HIPK2: variants seen among roughly 807,000 people sequenced by gnomAD.
The protein encoded by HIPK2 is homeodomain-interacting protein kinase 2.
Under a neutral mutation model 113.7 loss-of-function variants are expected in HIPK2, and 27 were observed. That is an observed-to-expected ratio of 0.24 (90% CI 0.17 to 0.33). The LOEUF is 0.33. Among genes scored for constraint, HIPK2 ranks in the 10% least tolerant of loss-of-function variants. HIPK2 has a pLI of 1.00. For synonymous variants in HIPK2, 631 were observed against 642.2 expected, an observed-to-expected ratio of 0.98 and a Z score of 0.26; for missense variants, 1,257 against 1,588.0, an observed-to-expected ratio of 0.79 and a Z score of 3.54.
chr7:139,665,776 C>G (rs79583280), intron 2 of HIPK2, among the ~76,000 whole-genome samples: 24,004 of 152,194 alleles, frequency 0.16, 2,266 homozygotes, highest in East Asian at 0.41. Flanking sequence ...GTGCCATCTG[C>G]CTAGCTAATC....
chr7:139,756,306 T>C (rs1359688454), intron 1 of HIPK2, among the ~76,000 whole-genome samples: 1 of 152,252 alleles, frequency 6.6e-6, no homozygotes, highest in African/African-American at 2.4e-5. Flanking sequence ...ATATTTCTTC[T>C]TCAATATTAT....
At chr7:139,629,444 G>A (rs1005369259) in intron 4 of HIPK2, among the ~76,000 whole-genome samples, 2 of 152,198 alleles carry the variant, frequency 1.3e-5, no homozygotes, top group Non-Finnish European at 2.9e-5. Context: ...CTCTTGCTAC[G>A]TGCCAGACAT....
chr7:139,681,794 C>T (rs1055346527), intron 2 of HIPK2, among the ~76,000 whole-genome samples: 1 of 152,180 alleles, frequency 6.6e-6, no homozygotes, highest in African/African-American at 2.4e-5. Flanking sequence ...TGGGTCCATG[C>T]AGCCACCACT....
rs35609603 is a variant in HIPK2 at position 139,620,455 on chromosome 7, C to T, written c.1728G>A (p.Thr576=). ...TAAAGGTCATGGTCAGGTTGGTGGA[C>T]GTGCTGGGGGCCACGTGCGTGATGA... The part of the protein sequence containing the change: ...TPFITHVAPS[T]STNLTMTFNN... The change falls in exon 7 of 15, where the codon ACG becomes ACA. Residue 576 remains threonine (T), a synonymous_variant. Coordinates refer to ENST00000406875, the MANE Select transcript of HIPK2 (RefSeq NM_022740.5). 210 of 1,613,928 alleles carry T rather than the reference C, an allele frequency of 1.3e-4. 1 individual carries two copies. The African/African-American group carries it at 1.3e-3, about 10-fold the overall frequency.
intron 7 of HIPK2, among the ~76,000 whole-genome samples, chr7:139,615,300 T>C (rs12540176): frequency 0.2 from 31,006 of 152,174 alleles, 4,179 homozygotes; most frequent in African/African-American, 0.39. Context: ...GAGGGACATG[T>C]TGAGCCTGGG....
chr7:139,623,789 C>G (rs1193434509), intron 6 of HIPK2, among the ~76,000 whole-genome samples: 1 of 152,122 alleles, frequency 6.6e-6, no homozygotes, highest in Non-Finnish European at 1.5e-5. Flanking sequence ...ACCCAGCCCC[C>G]TCTGACTCTG....
intron 12 of HIPK2, among the ~76,000 whole-genome samples, chr7:139,587,644 C>T (rs1798881558): frequency 6.6e-6 from 1 of 152,012 alleles, no homozygotes; most frequent in African/African-American, 2.4e-5. Context: ...GGTAGCTCAC[C>T]CCTGTAATCC....
intron 1 of HIPK2, among the ~76,000 whole-genome samples, chr7:139,729,023 T>G (rs551079663): frequency 3.9e-5 from 6 of 152,262 alleles, no homozygotes; most frequent in African/African-American, 1.4e-4. Flanking sequence ...GTAGTCACTT[T>G]GGTATAAAAG....
chr7:139,672,496 G>A (rs931516956), intron 2 of HIPK2, among the ~76,000 whole-genome samples: 7 of 151,764 alleles, frequency 4.6e-5, no homozygotes, highest in African/African-American at 1.2e-4. Context: ...ATGGAGTTTC[G>A]CTCTTGTAGC....
At chr7:139,749,605 C>T (rs1180931984) in intron 1 of HIPK2, among the ~76,000 whole-genome samples, 2 of 152,182 alleles carry the variant, frequency 1.3e-5, no homozygotes, top group African/African-American at 2.4e-5. Context: ...GACGTGTTCA[C>T]GGCAGCTCCC....
At position 139,575,138 on chromosome 7, in the gene HIPK2, T is replaced by C. The variant is rs1798443607; in HGVS notation, c.3116A>G (p.Asn1039Ser). Reference protein sequence around the residue: ...GPHFQQQQPLNLSQAQQHITT... With the variant: ...GPHFQQQQPLSLSQAQQHITT... ...AGCTGTGGGGCTTACCTGGCTGAGA[T>C]TGAGTGGCTGCTGCTGCTGGAAGTG... is the stretch of plus-strand genomic sequence containing the variant. Residue 1039 changes from asparagine to serine, a missense_variant, in exon 14 of 15, where the codon AAT becomes AGT. Coordinates refer to ENST00000406875, the MANE Select transcript of HIPK2 (RefSeq NM_022740.5). 3 of 1,594,252 alleles carry C rather than the reference T, an allele frequency of 1.9e-6. No homozygotes were observed. The highest frequency in any genetic ancestry group is 1.7e-6 in the Non-Finnish European group (2 of 1,171,076).
chr7:139,666,225 GA>G (rs1284020270), intron 2 of HIPK2, among the ~76,000 whole-genome samples: 1 of 152,102 alleles, frequency 6.6e-6, no homozygotes, highest in Non-Finnish European at 1.5e-5. Flanking sequence ...AAAAGGTCAA[GA>G]AGAGTGTTTA....
In HIPK2 at chr7:139,716,480, C is replaced by T; in HGVS notation, c.555G>A (p.Gln185=). 1 of 1,614,048 alleles carries T rather than the reference C, an allele frequency of 6.2e-7. No homozygotes were observed. Residue 185 remains glutamine (Q), a synonymous_variant, in exon 2 of 15, where the codon CAG becomes CAA. Coordinates refer to ENST00000406875, the MANE Select transcript of HIPK2 (RefSeq NM_022740.5). This position sits in a 1 kb window ranked among gnomAD's most constrained non-coding sequence, Gnocchi z 9.3. The part of the protein sequence containing the change: ...NSGSNSEGDY[Q]LVQHEVLCSM... ...AGCACAGCACCTCATGCTGCACCAG[C>T]TGATAGTCGCCCTCGCTGTTGGAGC...
At chr7:139,600,349 A>G in intron 11 of HIPK2, 68 bp downstream of exon 11, 1 of 1,543,976 alleles carries the variant, frequency 6.5e-7, no homozygotes, top group Non-Finnish European at 8.8e-7. Flanking sequence ...GATACTCCCT[A>G]AACTACATTT....
At chr7:139,776,980 T>A (rs1191689274) in intron 1 of HIPK2, 1 of 152,032 alleles carries the variant, frequency 6.6e-6, no homozygotes, top group Non-Finnish European at 1.5e-5. Flanking sequence ...TCTCCGCCGC[T>A]CCCCCGGCTG....
rs1009106234 is a variant in HIPK2 at position 139,683,421 on chromosome 7, C to T, written c.1103+32511G>A. Among the ~76,000 whole-genome samples, 4 of 152,316 alleles carry T rather than the reference C, an allele frequency of 2.6e-5. No homozygotes were observed. In the East Asian group the frequency reaches 7.7e-4, roughly 29 times the overall value. On this transcript the variant is annotated intron_variant, in intron 2 of 14. Coordinates refer to ENST00000406875, the MANE Select transcript of HIPK2 (RefSeq NM_022740.5). This position sits in a 1 kb window ranked among gnomAD's most constrained non-coding sequence, Gnocchi z 4.2. The stretch of plus-strand genomic sequence containing the variant: ...GTTTCCAAGCTCCCCAAGGCAGCTG[C>T]GGTCTGTGAGCCTCAGCTCCTCCCT...
rs149084546 is a variant in HIPK2, at chr7:139,687,004, T to C, written c.1103+28928A>G. On this transcript the variant is annotated intron_variant, in intron 2 of 14. Transcript: ENST00000406875. Reference sequence around the variant, plus strand: ...CACCATCCTGATCAGTCAGCAACGATTGACATCGAGGTAAGACCCTCCAAC... The same window carrying C: ...CACCATCCTGATCAGTCAGCAACGACTGACATCGAGGTAAGACCCTCCAAC... Among the ~76,000 whole-genome samples the C allele has an allele frequency of 2.2e-3, 334 of 152,344 alleles. 1 individual carries two copies. The highest frequency in any genetic ancestry group is 3.4e-3 in the Admixed American group (52 of 15,304).
intron 1 of HIPK2, among the ~76,000 whole-genome samples, chr7:139,723,413 C>T (rs752354126): frequency 2.0e-5 from 3 of 152,082 alleles, no homozygotes; most frequent in East Asian, 3.9e-4. Flanking sequence ...AGGCTGGTCT[C>T]GAACTCTTGA....
rs368528575 is a variant in HIPK2 at position 139,573,246 on chromosome 7, G to C, written c.3278C>G (p.Ala1093Gly). 1.9e-6 allele frequency: 3 copies of C among 1,603,994 alleles called. No homozygotes were observed. The highest frequency in any genetic ancestry group is 2.5e-6 in the Non-Finnish European group (3 of 1,179,578). Residue 1093 changes from alanine to glycine, a missense_variant, in exon 15 of 15, where the codon GCT becomes GGT. Around this residue, in one of 5 missense-constraint regions of HIPK2, gnomAD observed 862 missense variants for 1,004.3 expected, o/e 0.86. Coordinates refer to ENST00000406875, the MANE Select transcript of HIPK2 (RefSeq NM_022740.5). The stretch of plus-strand genomic sequence containing the variant: ...GTGGGGCTGGGTGGGGAGGTGGGCA[G>C]CGGCAGCGGCTGCAGCCAGATGCGG... Reference protein sequence around the residue: ...VHPHLAAAAAAAHLPTQPHLY... With the variant: ...VHPHLAAAAAGAHLPTQPHLY...
Sources: gnomAD v4.1 joint callset for allele counts (sites outside exome capture counted in the v4.1 genomes callset) on GRCh38, gnomAD v4.1.1 for gene constraint, gnomAD v4.1.1 regional missense constraint, Gnocchi (gnomAD v3.1) non-coding constraint, MANE v1.5 for transcripts, NCBI Gene and HGNC (gene_info 2026-07-23, HGNC 2026-07-21) for gene names.